The following HEG1 variants were observed in gnomAD, a reference collection of about 807,000 sequenced individuals.
HEG1 encodes protein HEG homolog 1.
A neutral mutation model predicts 125.6 loss-of-function variants in HEG1; 56 were observed. That is an observed-to-expected ratio of 0.45 (90% CI 0.36 to 0.56). The LOEUF is 0.56. HEG1 is among the 20% of genes least tolerant of loss of function. The pLI, the probability that HEG1 is intolerant of heterozygous loss-of-function variation, is 0.00. For missense variants in HEG1, 1,523 were observed against 1,670.0 expected (o/e 0.91, Z 1.53); for synonymous variants, 644 against 668.5 (o/e 0.96, Z 0.57).
At chr3:124,999,496 C>T (rs1936970041) in intron 11 of HEG1, among the ~76,000 whole-genome samples, 2 of 152,330 alleles carry the variant, frequency 1.3e-5, no homozygotes, top group South Asian at 4.1e-4. Context: ...CCAGAGTTGC[C>T]TGGCCTGATT....
chr3:125,008,058 T>A (rs1012930463), intron 8 of HEG1, among the ~76,000 whole-genome samples: 1 of 152,104 alleles, frequency 6.6e-6, no homozygotes, highest in Non-Finnish European at 1.5e-5. Flanking sequence ...CACAGGTGTG[T>A]GCCACCATGC....
intron 5 of HEG1, chr3:125,014,805 T>G (rs6438873): frequency 0.64 from 822,746 of 1,289,616 alleles, 266,423 homozygotes; most frequent in East Asian, 0.93. Context: ...TGTTTCTTGG[T>G]GCATGGCCGC....
chr3:124,994,067 A>G (rs1472439470), intron 12 of HEG1, among the ~76,000 whole-genome samples: 2 of 152,092 alleles, frequency 1.3e-5, no homozygotes, highest in African/African-American at 2.4e-5. Context: ...GGTTTCATGG[A>G]AGACATTTTT....
At position 125,000,051 on chromosome 3, in the gene HEG1, A is replaced by C. The variant is rs539001323; in HGVS notation, c.3517+1801T>G. On this transcript the variant is annotated intron_variant, in intron 11 of 16. Coordinates refer to ENST00000311127, the MANE Select transcript of HEG1 (RefSeq NM_020733.2). ...CAAGGCCACCTCTCTAGTACTCAGA[A>C]AGGTTAGCATGAGACCAGGCTGGTC... is the stretch of plus-strand genomic sequence containing the variant. Among the ~76,000 whole-genome samples, 19 of 152,318 alleles carry C rather than the reference A, an allele frequency of 1.2e-4. No homozygotes were observed. The South Asian group carries it at 3.9e-3, about 32-fold the overall frequency.
chr3:125,051,734 G>A (rs970725432), intron 1 of HEG1, among the ~76,000 whole-genome samples: 3 of 152,214 alleles, frequency 2.0e-5, no homozygotes, highest in Non-Finnish European at 4.4e-5. Flanking sequence ...CAAAAAGGAC[G>A]CTGGAGACAG....
At chr3:124,977,667 T>G (rs140573740) in intron 15 of HEG1, among the ~76,000 whole-genome samples, 192 bp downstream of exon 15, 1 of 152,230 alleles carries the variant, frequency 6.6e-6, no homozygotes, top group Non-Finnish European at 1.5e-5. Context: ...TGAAGTTCCA[T>G]TTACTCCCCT....
At chr3:124,990,626 A>G (rs1030678033) in intron 14 of HEG1, among the ~76,000 whole-genome samples, 161 bp downstream of exon 14, 16 of 152,148 alleles carry the variant, frequency 1.1e-4, no homozygotes, top group African/African-American at 3.4e-4. Context: ...GGCGTGAGCC[A>G]CCACGTCTGG....
intron 8 of HEG1, among the ~76,000 whole-genome samples, chr3:125,007,198 C>CAAAAAA (rs1212172102): frequency 9.1e-5 from 5 of 54,678 alleles, no homozygotes; most frequent in Non-Finnish European, 1.2e-4. Context: ...GACTCCGTCT[C>CAAAAAA]AAAAAAAAAA....
chr3:125,015,586 T>G (rs1448126924), intron 5 of HEG1, among the ~76,000 whole-genome samples: 2 of 152,336 alleles, frequency 1.3e-5, no homozygotes, highest in East Asian at 3.9e-4. Flanking sequence ...TTTATTCTAT[T>G]GATGGGGATG....
chr3:125,014,840 A>G (rs771953813), intron 5 of HEG1: 2 of 1,289,842 alleles, frequency 1.6e-6, no homozygotes, highest in South Asian at 2.5e-5. Context: ...CTTCCCCAGA[A>G]GTCGTGCTCA....
chr3:125,027,189 G>C lies in HEG1; in HGVS notation c.913+16C>G. On this transcript the variant is annotated intron_variant, in intron 3 of 16. Transcript: ENST00000311127. Reference sequence around the variant, plus strand: ...TGAGTGACTTCCGAGTGTTAAGCTGGGTATGTGGCACTCACATGAGGAAAG... The same window carrying C: ...TGAGTGACTTCCGAGTGTTAAGCTGCGTATGTGGCACTCACATGAGGAAAG... 2 of 1,567,630 alleles carry C rather than the reference G, an allele frequency of 1.3e-6. No homozygotes were observed. The highest frequency in any genetic ancestry group is 1.7e-6 in the Non-Finnish European group (2 of 1,157,404).
chr3:124,987,059 G>A (rs1198107086), intron 14 of HEG1, among the ~76,000 whole-genome samples: 1 of 152,154 alleles, frequency 6.6e-6, no homozygotes, highest in Admixed American at 6.5e-5. Flanking sequence ...TTATTTAGGG[G>A]TCAGGTGTGG....
In HEG1 at chr3:125,013,490, C is replaced by T. The variant is rs74998810; in HGVS notation, c.2089G>A (p.Ala697Thr). 957 of 1,613,524 alleles carry T rather than the reference C, an allele frequency of 5.9e-4. 7 individuals carry two copies. In the African/African-American group the frequency reaches 9.5e-3, roughly 16 times the overall value. Residue 697 changes from alanine (A) to threonine (T), a missense_variant, in exon 6 of 17, where the codon GCC (alanine) becomes ACC (threonine). Transcript: ENST00000311127. ...GTAGACTTTAGTAGATGCACAGAGG[C>T]CCTGGTTGATGGTAAAATTGATGAA... ...LFSSILPSTR[A>T]SVHLLKSTSD...
chr3:125,025,091 T>C (rs1024163364), intron 3 of HEG1, among the ~76,000 whole-genome samples: 2 of 152,232 alleles, frequency 1.3e-5, no homozygotes, highest in East Asian at 1.9e-4. Flanking sequence ...CTCAGCACTC[T>C]TGCCTGAGTG....
At chr3:125,047,584 T>C (rs920138188) in intron 1 of HEG1, among the ~76,000 whole-genome samples, 1 of 152,328 alleles carries the variant, frequency 6.6e-6, no homozygotes, top group East Asian at 1.9e-4. Flanking sequence ...TGGCAAAAGA[T>C]GATCCCTGAA....
intron 1 of HEG1, among the ~76,000 whole-genome samples, chr3:125,048,603 G>C (rs1007862067): frequency 6.6e-6 from 1 of 152,252 alleles, no homozygotes; most frequent in African/African-American, 2.4e-5. Flanking sequence ...GAAGGTGAGA[G>C]AGGTGGCCAG....
In HEG1 at chr3:125,013,139, G is replaced by T; in HGVS notation, c.2440C>A (p.Pro814Thr). 1 of 1,614,056 alleles carries T rather than the reference G, an allele frequency of 6.2e-7. No homozygotes were observed. Among genetic ancestry groups the T allele is most frequent in the Non-Finnish European group, 8.5e-7 (1 of 1,179,908 alleles). The change falls in exon 6 of 17, where the codon CCT becomes ACT. Residue 814 changes from proline to threonine, a missense_variant. Pro to Thr is a conservative substitution (Grantham distance 38, BLOSUM62 -1). Coordinates refer to ENST00000311127, the MANE Select transcript of HEG1 (RefSeq NM_020733.2). ...ESTKAVTTNS[P>T]LPPSLTESST... ...GACTCTGTTAAGGATGGAGGCAAAG[G>T]AGAGTTTGTTGTTACAGCTTTGGTG... is the stretch of plus-strand genomic sequence containing the variant.
chr3:125,025,606 C>G (rs1937405244), intron 3 of HEG1, among the ~76,000 whole-genome samples: 1 of 152,038 alleles, frequency 6.6e-6, no homozygotes, highest in Admixed American at 6.6e-5. Context: ...GAGTCAAGTC[C>G]AGTAAAGTTG....
At chr3:124,995,973 A>G (rs567462269) in intron 12 of HEG1, among the ~76,000 whole-genome samples, 2 of 152,292 alleles carry the variant, frequency 1.3e-5, no homozygotes, top group Non-Finnish European at 2.9e-5. Context: ...ACACCACAGC[A>G]CCATGCCCAT....
Sources: gnomAD v4.1 joint callset for allele counts (sites outside exome capture counted in the v4.1 genomes callset) on GRCh38, gnomAD v4.1.1 for gene constraint, MANE v1.5 for transcripts, NCBI Gene and HGNC (gene_info 2026-07-23, HGNC 2026-07-21) for gene names.